The following TRMU variants were observed in gnomAD, a reference collection of about 807,000 sequenced individuals.
TRMU encodes the protein tRNA mitochondrial 2-thiouridylase, also known as mitochondrial tRNA-specific 2-thiouridylase 1.
Under a neutral mutation model 46.9 loss-of-function variants are expected in TRMU, and 49 were observed. That is an observed-to-expected ratio of 1.05 (90% CI 0.83 to 1.33). The LOEUF is 1.33. TRMU is among the 40% of genes most tolerant of loss of function. The pLI, the probability that TRMU is intolerant of heterozygous loss-of-function variation, is 0.00. For synonymous variants in TRMU, 241 were observed against 200.9 expected (o/e 1.20, Z -1.69); for missense variants, 572 against 532.4 (o/e 1.07, Z -0.73).
rs752050547 is a variant in TRMU at position 46,355,430 on chromosome 22, A to G, written c.874-14A>G. On this transcript the variant is annotated splice_polypyrimidine_tract_variant and intron_variant, in intron 8 of 10. Coordinates refer to ENST00000645190, the MANE Select transcript of TRMU (RefSeq NM_018006.5). ...TGCCCCTCGGCGTCCCCACCTTCAC[A>G]TTCCATTCTGCAGGCCCCCCGGACA... is the stretch of plus-strand genomic sequence containing the variant. The G allele has an allele frequency of 1.2e-6, 2 of 1,612,460 alleles. No homozygotes were observed. Among genetic ancestry groups the G allele is most frequent in the Non-Finnish European group, 1.7e-6 (2 of 1,179,738 alleles).
intron 3 of TRMU, 101 bp from the exon 4 acceptor site, chr22:46,346,321 G>C (rs2078255965): frequency 6.8e-7 from 1 of 1,461,574 alleles, no homozygotes. Flanking sequence ...CTCAGCCTAA[G>C]ACTTGGGGTC....
chr22:46,346,587 G>A, intron 4 of TRMU, 43 bp downstream of exon 4: 2 of 1,595,378 alleles, frequency 1.3e-6, no homozygotes, highest in South Asian at 1.1e-5. Flanking sequence ...CTTGTGAACA[G>A]ATTGAAATCT....
At chr22:46,355,795 G>A (rs922712127) in intron 9 of TRMU, 195 bp from the exon 10 acceptor site, 73 of 1,034,832 alleles carry the variant, frequency 7.1e-5, no homozygotes, top group Middle Eastern at 5.8e-4. Context: ...GGCAGGCCCC[G>A]GCGTGTTGGG....
intron 3 of TRMU, among the ~76,000 whole-genome samples, chr22:46,344,557 G>A (rs910627567): frequency 1.3e-5 from 2 of 152,218 alleles, no homozygotes; most frequent in African/African-American, 4.8e-5. Flanking sequence ...CCCTGAGGTG[G>A]AGGCGCAGGC....
In TRMU at chr22:46,351,755, C is replaced by G; in HGVS notation, c.652-366C>G. On this transcript the variant is annotated intron_variant, in intron 5 of 10. Coordinates refer to ENST00000645190, the MANE Select transcript of TRMU (RefSeq NM_018006.5). This position sits in a 1 kb window ranked among gnomAD's most constrained non-coding sequence, Gnocchi z 6.4. The stretch of plus-strand genomic sequence containing the variant: ...CTGGAGCCCTCCCCTAAGGCCTTAG[C>G]TTCAGGCCTGGCTTTCCTGCTACCT... 1 of 387,540 alleles carries G rather than the reference C, an allele frequency of 2.6e-6. No homozygotes were observed. Among genetic ancestry groups the G allele is most frequent in the Non-Finnish European group, 4.9e-6 (1 of 202,552 alleles). The allele number at this position is 387,540 out of a possible 1,614,324, so 24.0% of individuals were successfully genotyped here.
At chr22:46,337,563 A>T (rs1334849945) in intron 1 of TRMU, among the ~76,000 whole-genome samples, 2 of 152,200 alleles carry the variant, frequency 1.3e-5, no homozygotes, top group Non-Finnish European at 2.9e-5. Context: ...GGGGACACAA[A>T]GATGAGAAAA....
chr22:46,338,068 C>A lies in TRMU; in HGVS notation c.248+124C>A. The A allele has an allele frequency of 1.4e-6, 2 of 1,409,972 alleles. No homozygotes were observed. Among genetic ancestry groups the A allele is most frequent in the Non-Finnish European group, 2.0e-6 (2 of 1,004,972 alleles). 87.3% of individuals were successfully genotyped at this position (1,409,972 alleles called of 1,614,324 possible). A position where few individuals can be genotyped will look rare whatever the true frequency, so the allele number is the denominator to read the frequency against. ...CCAGCGCTCTCCCTCCACGGTGGTGCTGAAGACTGCAAGAGGCCTCAGCCA... is the reference window on the plus strand; with the variant it reads ...CCAGCGCTCTCCCTCCACGGTGGTGATGAAGACTGCAAGAGGCCTCAGCCA... On this transcript the variant is annotated intron_variant, in intron 2 of 10. Coordinates refer to ENST00000645190, the MANE Select transcript of TRMU (RefSeq NM_018006.5). The surrounding 1 kb of genome is among the most constrained non-coding windows in gnomAD (Gnocchi z 4.5).
intron 3 of TRMU, among the ~76,000 whole-genome samples, chr22:46,343,727 CTT>C (rs1782838276): frequency 6.6e-6 from 1 of 152,170 alleles, no homozygotes. Flanking sequence ...TAGACCACCT[CTT>C]GATGTCTGTG....
chr22:46,343,556 G>A (rs1461239729), intron 3 of TRMU, among the ~76,000 whole-genome samples, 188 bp downstream of exon 3: 3 of 151,926 alleles, frequency 2.0e-5, no homozygotes, highest in African/African-American at 4.8e-5. Flanking sequence ...CTAATTTTTT[G>A]TGGAGATGGT....
rs1166120310 is a variant in TRMU at position 46,349,463 on chromosome 22, AG to A, written c.479-825del. 2.6e-5 allele frequency among the ~76,000 whole-genome samples: 4 copies of A among 152,234 alleles called. No individual in the cohort carries two copies. Among genetic ancestry groups the A allele is most frequent in the African/African-American group, 9.6e-5 (4 of 41,468 alleles). On this transcript the variant is annotated intron_variant, in intron 4 of 10. Transcript: ENST00000645190. The surrounding 1 kb of genome is among the most constrained non-coding windows in gnomAD (Gnocchi z 4.6). ...TACACGTGGCTCTGCCAAGCCAGGA[AG>A]GGTAGGTGTGCTGTCTGACCGTCAC...
rs781017260 is a variant in TRMU, at chr22:46,353,760, T to G, written c.773-7T>G. 1.2e-6 allele frequency: 2 copies of G among 1,613,438 alleles called. No homozygotes were observed. Among genetic ancestry groups the G allele is most frequent in the Non-Finnish European group, 1.7e-6 (2 of 1,179,524 alleles). On this transcript the variant is annotated splice_polypyrimidine_tract_variant and splice_region_variant and intron_variant, in intron 7 of 10. Coordinates refer to ENST00000645190, the MANE Select transcript of TRMU (RefSeq NM_018006.5). ...CCCAGCCTCATGGAGAAACTGTCTT[T>G]CTGTAGGTTGGTTCCTGTATACCTT... is the stretch of plus-strand genomic sequence containing the variant.
intron 2 of TRMU, among the ~76,000 whole-genome samples, chr22:46,340,907 C>A (rs2078105888): frequency 6.6e-6 from 1 of 152,260 alleles, no homozygotes; most frequent in Non-Finnish European, 1.5e-5. Flanking sequence ...TGGCTCCAGC[C>A]AGCCTGCCCT....
At chr22:46,355,098 GA>G (rs2078556599) in intron 8 of TRMU, 1 of 405,572 alleles carries the variant, frequency 2.5e-6, no homozygotes, top group Non-Finnish European at 4.6e-6. Context: ...ACCAGTCCTC[GA>G]GGGGGGCCGT....
chr22:46,353,583 T>G, intron 7 of TRMU, 184 bp from the exon 8 acceptor site: 43 of 573,708 alleles, frequency 7.5e-5, no homozygotes, highest in East Asian at 1.4e-4. Flanking sequence ...TGGACAATGA[T>G]GAGATGTGCT....
In TRMU at chr22:46,349,137, CAA is replaced by C. The variant is rs537257675; in HGVS notation, c.479-1139_479-1138del. On this transcript the variant is annotated intron_variant, in intron 4 of 10. Transcript: ENST00000645190. The surrounding 1 kb of genome is among the most constrained non-coding windows in gnomAD (Gnocchi z 4.6). The stretch of plus-strand genomic sequence containing the variant: ...TGGGCGACAGAGCGAGACTCCATCT[CAA>C]AAAAAAAAAAAAAAGTGGACTCTGG... Among the ~76,000 whole-genome samples the C allele has an allele frequency of 1.4e-4, 16 of 117,046 alleles. No homozygotes were observed. The highest frequency in any genetic ancestry group is 1.8e-4 in the Admixed American group (2 of 11,234). 76.8% of individuals were successfully genotyped at this position (117,046 alleles called of 152,430 possible).
rs115701700 is a variant in TRMU at position 46,351,710 on chromosome 22, G to A, written c.652-411G>A. On this transcript the variant is annotated intron_variant, in intron 5 of 10. Coordinates refer to ENST00000645190, the MANE Select transcript of TRMU (RefSeq NM_018006.5). This position sits in a 1 kb window ranked among gnomAD's most constrained non-coding sequence, Gnocchi z 6.4. ...TAGGGCAGATGTGCTTGAGGAAGGC[G>A]CCTCTCTCCTCTGACTCCCCTGGAG... 9.5e-3 allele frequency: 3,123 copies of A among 327,402 alleles called. 105 individuals are homozygous for A. Among genetic ancestry groups the A allele is most frequent in the African/African-American group, 0.061 (2,873 of 46,760 alleles). 20.3% of individuals were successfully genotyped at this position (327,402 alleles called of 1,614,324 possible).
intron 7 of TRMU, chr22:46,353,301 G>A (rs2078493002): frequency 9.2e-6 from 2 of 217,266 alleles, no homozygotes; most frequent in South Asian, 1.4e-4. Flanking sequence ...CCACTGCAGG[G>A]GAGGGAGGCA....
chr22:46,350,446 G>T lies in TRMU; in HGVS notation c.634G>T (p.Val212Leu). 1.9e-6 allele frequency: 3 copies of T among 1,613,718 alleles called. No individual in the cohort carries two copies. Among genetic ancestry groups the T allele is most frequent in the Non-Finnish European group, 2.5e-6 (3 of 1,180,026 alleles). ...CGCTGCTGAGAATAGACTTCATCAT[G>T]TGCTTCAGAAGAAAGAGGTACGAGT... ...KIAAENRLHHVLQKKESMGMC... is the reference protein window; with the variant it reads ...KIAAENRLHHLLQKKESMGMC... The change falls in exon 5 of 11, where the codon GTG becomes TTG. Residue 212 changes from valine to leucine, a missense_variant. Transcript: ENST00000645190. The surrounding 1 kb of genome is among the most constrained non-coding windows in gnomAD (Gnocchi z 4.6).
Position 46,342,750 on chromosome 22 carries a change from G to A in TRMU, c.249-512G>A, listed in dbSNP as rs892106789. On this transcript the variant is annotated intron_variant, in intron 2 of 10. Coordinates refer to ENST00000645190, the MANE Select transcript of TRMU (RefSeq NM_018006.5). The surrounding 1 kb of genome is among the most constrained non-coding windows in gnomAD (Gnocchi z 4.7). Reference sequence around the variant, plus strand: ...AGGCGGGCAGATCACTTGAGGCCAGGAGTTGGAGACCAGCCTGGCCAACAT... The same window carrying A: ...AGGCGGGCAGATCACTTGAGGCCAGAAGTTGGAGACCAGCCTGGCCAACAT... 8.5e-5 allele frequency among the ~76,000 whole-genome samples: 13 copies of A among 152,252 alleles called. No homozygotes were observed. The highest frequency in any genetic ancestry group is 1.9e-4 in the Non-Finnish European group (13 of 68,042).
Sources: gnomAD v4.1 joint callset for allele counts (sites outside exome capture counted in the v4.1 genomes callset) on GRCh38, gnomAD v4.1.1 for gene constraint, Gnocchi (gnomAD v3.1) non-coding constraint, MANE v1.5 for transcripts, NCBI Gene and HGNC (gene_info 2026-07-23, HGNC 2026-07-21) for gene names.